The following RERG variants were observed in gnomAD, a reference collection of about 807,000 sequenced individuals.
RERG encodes RAS like estrogen regulated growth inhibitor.
A neutral mutation model predicts 23.2 loss-of-function variants in RERG; 25 were observed. That is an observed-to-expected ratio of 1.08 (90% CI 0.79 to 1.50). The LOEUF (loss-of-function observed/expected upper bound fraction) is 1.50, where lower values mean the gene tolerates loss of function less well. Among genes scored for constraint, RERG ranks in the 40% most tolerant of loss-of-function variants. The pLI is 0.00. For synonymous variants in RERG, 81 were observed against 89.1 expected (o/e 0.91, Z 0.51); for missense variants, 253 against 250.1 (o/e 1.01, Z -0.08).
intron 2 of RERG, among the ~76,000 whole-genome samples, chr12:15,174,007 CTTTA>C (rs984733524): frequency 1.2e-4 from 19 of 152,008 alleles, no homozygotes; most frequent in Admixed American, 9.8e-4. Flanking sequence ...TACTAATGCT[CTTTA>C]TTTATTCCCG....
intron 2 of RERG, among the ~76,000 whole-genome samples, chr12:15,180,159 T>C (rs1864904613): frequency 6.6e-6 from 1 of 152,182 alleles, no homozygotes; most frequent in Non-Finnish European, 1.5e-5. Flanking sequence ...ATAGTGTCTT[T>C]TTAAACAGAG....
intron 2 of RERG, among the ~76,000 whole-genome samples, chr12:15,166,272 AT>A (rs1864686077): frequency 6.6e-6 from 1 of 152,250 alleles, no homozygotes; most frequent in Admixed American, 6.5e-5. Context: ...TTGAAAATAA[AT>A]AGCCAACCTC....
At chr12:15,142,036 C>G (rs1454530083) in intron 2 of RERG, among the ~76,000 whole-genome samples, 3 of 152,136 alleles carry the variant, frequency 2.0e-5, no homozygotes, top group African/African-American at 7.2e-5. Context: ...TGGTTTGTTT[C>G]TAACTTCTTC....
chr12:15,118,093 T>A (rs955171112), intron 3 of RERG, among the ~76,000 whole-genome samples: 1 of 152,198 alleles, frequency 6.6e-6, no homozygotes, highest in Non-Finnish European at 1.5e-5. Context: ...TAAAGCAATT[T>A]CTTTCTTTTA....
chr12:15,117,741 T>C (rs1003617384), intron 3 of RERG, among the ~76,000 whole-genome samples: 1 of 152,034 alleles, frequency 6.6e-6, no homozygotes, highest in East Asian at 1.9e-4. Flanking sequence ...CCTCTATCTA[T>C]ATTCTCTGTG....
At chr12:15,111,267 C>A in intron 4 of RERG, 77 bp downstream of exon 4, 3 of 1,115,980 alleles carry the variant, frequency 2.7e-6, no homozygotes, top group South Asian at 1.4e-5. Context: ...AAGAAAAGTG[C>A]CTTATTTTTG....
chr12:15,140,749 C>G (rs1160227602), intron 2 of RERG, among the ~76,000 whole-genome samples: 1 of 152,038 alleles, frequency 6.6e-6, no homozygotes, highest in Non-Finnish European at 1.5e-5. Flanking sequence ...TGCTTGGGTT[C>G]TGATGAGTCT....
chr12:15,142,938 C>A (rs189008955), intron 2 of RERG, among the ~76,000 whole-genome samples: 13 of 152,268 alleles, frequency 8.5e-5, no homozygotes, highest in African/African-American at 3.1e-4. Context: ...CATTTCTTCA[C>A]AGCGTGAGGT....
chr12:15,177,835 GTTTGT>G (rs1864871799), intron 2 of RERG, among the ~76,000 whole-genome samples: 1 of 99,348 alleles, frequency 1.0e-5, no homozygotes, highest in Non-Finnish European at 2.1e-5. Context: ...GGCTCCCTCT[GTTTGT>G]TTTTTTTTTT....
chr12:15,163,056 G>C (rs1016922643), intron 2 of RERG, among the ~76,000 whole-genome samples: 1 of 152,202 alleles, frequency 6.6e-6, no homozygotes, highest in Non-Finnish European at 1.5e-5. Flanking sequence ...CCCCGGTTGT[G>C]TTAACGAGGA....
chr12:15,201,287 G>C (rs1341687718), intron 2 of RERG, among the ~76,000 whole-genome samples: 1 of 151,828 alleles, frequency 6.6e-6, no homozygotes, highest in African/African-American at 2.4e-5. Flanking sequence ...CATTTTGTTA[G>C]AAATTTTTAG....
intron 2 of RERG, among the ~76,000 whole-genome samples, chr12:15,180,539 A>G (rs991407563): frequency 2.6e-5 from 4 of 152,190 alleles, no homozygotes; most frequent in African/African-American, 9.6e-5. Flanking sequence ...GTAGCCAAGA[A>G]TGATCAAAAG....
At chr12:15,180,472 T>C (rs1864908708) in intron 2 of RERG, among the ~76,000 whole-genome samples, 1 of 152,112 alleles carries the variant, frequency 6.6e-6, no homozygotes, top group Non-Finnish European at 1.5e-5. Context: ...AAACAAGCCC[T>C]ATCTCTCTGT....
intron 2 of RERG, among the ~76,000 whole-genome samples, chr12:15,172,583 A>G (rs1864792335): frequency 6.6e-6 from 1 of 152,102 alleles, no homozygotes; most frequent in African/African-American, 2.4e-5. Flanking sequence ...ACTATTTTAC[A>G]TTCCTATCAA....
rs539230876 is a variant in RERG, at chr12:15,220,765, C to T, written c.-115+430G>A. 5.3e-4 allele frequency among the ~76,000 whole-genome samples: 81 copies of T among 152,262 alleles called. No homozygotes were observed. In the South Asian group the frequency reaches 6.0e-3, roughly 11 times the overall value. Reference sequence around the variant, plus strand: ...AGATTCTCTTCTTTTTTGGCCTCCCCTTCTCTGGTTCTGAAATCAAGTTTT... The same window carrying T: ...AGATTCTCTTCTTTTTTGGCCTCCCTTTCTCTGGTTCTGAAATCAAGTTTT... On this transcript the variant is annotated intron_variant, in intron 1 of 4. Transcript: ENST00000256953.
chr12:15,153,990 C>G (rs1454533333), intron 2 of RERG, among the ~76,000 whole-genome samples: 1 of 152,034 alleles, frequency 6.6e-6, no homozygotes, highest in Non-Finnish European at 1.5e-5. Flanking sequence ...AGGAGAACAC[C>G]ATCTGCAAGC....
intron 2 of RERG, among the ~76,000 whole-genome samples, chr12:15,175,524 C>A (rs1288416654): frequency 6.6e-6 from 1 of 151,966 alleles, no homozygotes; most frequent in East Asian, 1.9e-4. Context: ...GGCATACACA[C>A]AACCTTGCAT....
intron 2 of RERG, among the ~76,000 whole-genome samples, chr12:15,215,179 G>A (rs1320425756): frequency 6.6e-6 from 1 of 152,206 alleles, no homozygotes; most frequent in Non-Finnish European, 1.5e-5. Context: ...GAAACTTAGT[G>A]AGCAATTTCA....
At chr12:15,170,577 C>T (rs1355081638) in intron 2 of RERG, among the ~76,000 whole-genome samples, 1 of 152,094 alleles carries the variant, frequency 6.6e-6, no homozygotes, top group Non-Finnish European at 1.5e-5. Flanking sequence ...ATATGTTGGT[C>T]TGGAGGATAG....
Sources: gnomAD v4.1 joint callset for allele counts (sites outside exome capture counted in the v4.1 genomes callset) on GRCh38, gnomAD v4.1.1 for gene constraint, MANE v1.5 for transcripts, NCBI Gene and HGNC (gene_info 2026-07-23, HGNC 2026-07-21) for gene names.